Variants in ABR observed in about 807,000 individuals in gnomAD.
ABR encodes ABR activator of RhoGEF and GTPase, also known as active breakpoint cluster region-related protein.
A neutral mutation model predicts 107.2 loss-of-function variants in ABR; 35 were observed. The observed-to-expected ratio is 0.33, with a 90% confidence interval of 0.25 to 0.43. The LOEUF is 0.43. ABR is among the 20% of genes least tolerant of loss of function. The pLI is 1.00. For missense variants in ABR, 815 were observed against 1,115.2 expected, an observed-to-expected ratio of 0.73 and a Z score of 3.83; for synonymous variants, 498 against 462.0, an observed-to-expected ratio of 1.08 and a Z score of -1.00.
intron 16 of ABR, among the ~76,000 whole-genome samples, chr17:1,014,390 G>A (rs1182607237): frequency 4.8e-5 from 7 of 144,638 alleles, no homozygotes; most frequent in African/African-American, 1.5e-4. Flanking sequence ...GCAGTGAGCC[G>A]AGATCGCGCC....
chr17:1,162,021 G>T (rs907493964), intron 1 of ABR, among the ~76,000 whole-genome samples: 1 of 152,184 alleles, frequency 6.6e-6, no homozygotes, highest in African/African-American at 2.4e-5. Context: ...TCCCAGTGCT[G>T]CACGGACTTT....
intron 2 of ABR, among the ~76,000 whole-genome samples, chr17:1,124,724 G>C (rs1473161333): frequency 6.6e-6 from 1 of 152,236 alleles, no homozygotes; most frequent in African/African-American, 2.4e-5. Context: ...AGGAGGGCTG[G>C]AGCGGGCAGC....
At chr17:1,030,803 G>C (rs552531316) in intron 16 of ABR, among the ~76,000 whole-genome samples, 1 of 152,238 alleles carries the variant, frequency 6.6e-6, no homozygotes, top group African/African-American at 2.4e-5. Flanking sequence ...GATGGGCCCA[G>C]CCCTGGCCAG....
At chr17:1,106,423 G>GCACA (rs35089600) in intron 2 of ABR, among the ~76,000 whole-genome samples, 68 of 150,778 alleles carry the variant, frequency 4.5e-4, no homozygotes, top group African/African-American at 9.0e-4. Flanking sequence ...CCCTTGGCCT[G>GCACA]CACACACACA....
intron 1 of ABR, among the ~76,000 whole-genome samples, chr17:1,172,141 G>A (rs1024266131): frequency 1.3e-5 from 2 of 152,208 alleles, no homozygotes; most frequent in Non-Finnish European, 2.9e-5. Context: ...AAAAAACTGG[G>A]CGAGAGGCCC....
chr17:1,168,110 A>C (rs1446726247), intron 1 of ABR, among the ~76,000 whole-genome samples: 3 of 152,068 alleles, frequency 2.0e-5, no homozygotes, highest in African/African-American at 7.2e-5. Flanking sequence ...AATATAGAGA[A>C]ATCCCGTCTC....
intron 5 of ABR, chr17:1,083,262 A>ATT (rs71148428): frequency 7.6e-4 from 77 of 101,160 alleles, no homozygotes; most frequent in Non-Finnish European, 1.3e-3. Flanking sequence ...ACTGCCTTGG[A>ATT]TTTTTTTTTT....
At chr17:1,033,189 C>G (rs965976358) in intron 16 of ABR, among the ~76,000 whole-genome samples, 1 of 152,204 alleles carries the variant, frequency 6.6e-6, no homozygotes, top group African/African-American at 2.4e-5. Flanking sequence ...GGCCCAGAGA[C>G]GAGCCCTCGG....
intron 2 of ABR, among the ~76,000 whole-genome samples, chr17:1,106,276 G>T (rs140128156): frequency 6.6e-6 from 1 of 152,122 alleles, no homozygotes; most frequent in Non-Finnish European, 1.5e-5. Context: ...TGCTCACAAC[G>T]CAACTGCTGC....
chr17:1,028,949 G>A (rs1192554129), intron 16 of ABR, among the ~76,000 whole-genome samples: 1 of 152,024 alleles, frequency 6.6e-6, no homozygotes, highest in African/African-American at 2.4e-5. Flanking sequence ...CAGGGTGGGG[G>A]GGTTCCTCCT....
At chr17:1,115,166 C>G in intron 2 of ABR, 1 of 152,398 alleles carries the variant, frequency 6.6e-6, no homozygotes, top group Non-Finnish European at 1.5e-5. Flanking sequence ...TCCTGCATCC[C>G]TCCTGCTGAC....
At chr17:1,144,280 G>A (rs1009569354) in intron 1 of ABR, among the ~76,000 whole-genome samples, 3 of 152,134 alleles carry the variant, frequency 2.0e-5, no homozygotes, top group Admixed American at 6.6e-5. Context: ...GCAAGCAACA[G>A]CCACTCAACA....
chr17:1,152,117 G>A (rs1212180985), intron 1 of ABR, among the ~76,000 whole-genome samples: 11 of 152,102 alleles, frequency 7.2e-5, no homozygotes, highest in Non-Finnish European at 1.3e-4. Flanking sequence ...GGGAAACCCC[G>A]TCTCTACTAA....
chr17:1,219,369 G>A (rs1261152544), intron 1 of ABR, among the ~76,000 whole-genome samples: 1 of 151,880 alleles, frequency 6.6e-6, no homozygotes, highest in Non-Finnish European at 1.5e-5. Context: ...TGGCTCATGG[G>A]TGACAAGGAG....
chr17:1,082,921 C>T (rs957620780), intron 5 of ABR, among the ~76,000 whole-genome samples: 4 of 151,960 alleles, frequency 2.6e-5, no homozygotes, highest in African/African-American at 7.3e-5. Context: ...CACCCGAGTT[C>T]GAGACCAGCC....
At position 1,050,474 on chromosome 17, in the gene ABR, G is replaced by T; in HGVS notation, c.1659+63C>A. ...CCAACCAATGGGCTGGCCGTCCCCAGCAGACAAGCCACGAGCACGGGGTGG... is the reference window on the plus strand; with the variant it reads ...CCAACCAATGGGCTGGCCGTCCCCATCAGACAAGCCACGAGCACGGGGTGG... On this transcript the variant is annotated intron_variant, in intron 15 of 22. Coordinates refer to ENST00000302538, the MANE Select transcript of ABR (RefSeq NM_021962.5). This position sits in a 1 kb window ranked among gnomAD's most constrained non-coding sequence, Gnocchi z 4.6. 1 of 1,465,198 alleles carries T rather than the reference G, an allele frequency of 6.8e-7. No homozygotes were observed. Among genetic ancestry groups the T allele is most frequent in the Non-Finnish European group, 9.6e-7 (1 of 1,045,150 alleles). 90.8% of individuals were successfully genotyped at this position (1,465,198 alleles called of 1,614,324 possible).
At chr17:1,213,642 C>T (rs1486763588) in intron 1 of ABR, among the ~76,000 whole-genome samples, 5 of 152,308 alleles carry the variant, frequency 3.3e-5, no homozygotes, top group African/African-American at 7.2e-5. Flanking sequence ...TCACCCGCCT[C>T]GGCCTCCGAA....
At chr17:1,103,434 T>C (rs1257397717) in intron 2 of ABR, among the ~76,000 whole-genome samples, 3 of 152,158 alleles carry the variant, frequency 2.0e-5, no homozygotes, top group African/African-American at 7.2e-5. Context: ...TCCCTCCTGT[T>C]CCCTGCCAAC....
rs148044433 is a variant in ABR, at chr17:1,125,245, C to T, written c.184G>A (p.Ala62Thr). The T allele has an allele frequency of 5.9e-5, 95 of 1,612,152 alleles. No individual in the cohort carries two copies. Among genetic ancestry groups the T allele is most frequent in the Middle Eastern group, 1.6e-4 (1 of 6,070 alleles). The change falls in exon 2 of 23, where the codon GCC (alanine) becomes ACC (threonine). Residue 62 changes from alanine to threonine, a missense_variant. This residue lies in a region of ABR where 129 missense variants were observed against 124.8 expected (regional missense o/e 1.03). Coordinates refer to ENST00000302538, the MANE Select transcript of ABR (RefSeq NM_021962.5). ...CCATCCCCCCCGCCCTGGCTGCGGG[C>T]GCTGAGCTGCGGGGACATGGTGGGC... Reference protein sequence around the residue: ...ESPTMSPQLSARSQGGGDGVS... With the variant: ...ESPTMSPQLSTRSQGGGDGVS...
Sources: allele counts gnomAD v4.1 joint callset (sites outside exome capture counted in the v4.1 genomes callset), GRCh38; gene constraint gnomAD v4.1.1; regional missense constraint gnomAD v4.1.1; non-coding constraint Gnocchi (gnomAD v3.1); transcripts MANE v1.5; gene names NCBI Gene and HGNC (gene_info 2026-07-23, HGNC 2026-07-21).